GULP1: variants seen among roughly 807,000 people sequenced by gnomAD.
The protein encoded by GULP1 is GULP PTB domain containing engulfment adaptor 1.
Under a neutral mutation model 40.9 loss-of-function variants are expected in GULP1, and 19 were observed. The ratio of observed to expected loss-of-function variants is 0.46; its 90% CI spans 0.32 to 0.68. GULP1 has a LOEUF of 0.68. Among genes scored for constraint, GULP1 ranks in the 30% least tolerant of loss-of-function variants. The pLI, the probability that GULP1 is intolerant of heterozygous loss-of-function variation, is 0.03. For missense variants in GULP1, 312 were observed against 362.2 expected (o/e 0.86, Z 1.12); for synonymous variants, 119 against 117.6 (o/e 1.01, Z -0.08).
rs1261351902 is a variant in GULP1, at chr2:188,491,153, G to A, written c.90+7661G>A. 2.0e-5 allele frequency among the ~76,000 whole-genome samples: 3 copies of A among 151,880 alleles called. No homozygotes were observed. The East Asian group carries it at 5.8e-4, about 29-fold the overall frequency. ...AGAGAATGTAAAGAAAGAAAAGAAAGGACTGATTTGGTCTCAAAAGGGTCA... is the reference window on the plus strand; with the variant it reads ...AGAGAATGTAAAGAAAGAAAAGAAAAGACTGATTTGGTCTCAAAAGGGTCA... On this transcript the variant is annotated intron_variant, in intron 4 of 11. Coordinates refer to ENST00000409830, the MANE Select transcript of GULP1 (RefSeq NM_016315.4).
At chr2:188,511,835 A>C (rs1367004636) in intron 4 of GULP1, among the ~76,000 whole-genome samples, 4 of 152,196 alleles carry the variant, frequency 2.6e-5, no homozygotes, top group Admixed American at 1.3e-4. Context: ...CCATATTTTA[A>C]AAATTTTCTA....
At chr2:188,329,409 CAT>C (rs897076737) in intron 1 of GULP1, among the ~76,000 whole-genome samples, 2 of 152,118 alleles carry the variant, frequency 1.3e-5, no homozygotes, top group Non-Finnish European at 2.9e-5. Context: ...TTATCAGTGA[CAT>C]GTGAAGTAGG....
intron 9 of GULP1, among the ~76,000 whole-genome samples, chr2:188,573,976 C>G (rs1324419640): frequency 6.6e-6 from 1 of 152,152 alleles, no homozygotes; most frequent in East Asian, 1.9e-4. Flanking sequence ...TCAAAAATCT[C>G]TAATTGAGGT....
intron 4 of GULP1, among the ~76,000 whole-genome samples, chr2:188,516,048 T>C (rs937766993): frequency 3.9e-5 from 6 of 152,220 alleles, no homozygotes; most frequent in Non-Finnish European, 5.9e-5. Flanking sequence ...TTTGTTATTT[T>C]ATTCTATTCT....
At chr2:188,330,058 C>A (rs1300088334) in intron 1 of GULP1, among the ~76,000 whole-genome samples, 1 of 152,056 alleles carries the variant, frequency 6.6e-6, no homozygotes, top group African/African-American at 2.4e-5. Context: ...GAGGAGTCGT[C>A]ATCATATAGG....
chr2:188,422,081 C>CTT lies in GULP1; in HGVS notation c.-45+38207_-45+38208dup, dbSNP rs1278413091. On this transcript the variant is annotated intron_variant, in intron 2 of 11. Transcript: ENST00000409830. ...AATCATTGACTAACTGCTGGACACA[C>CTT]TTTTTTTTTTTTTTTTGACCTGGTC... is the stretch of plus-strand genomic sequence containing the variant. Among the ~76,000 whole-genome samples the CTT allele has an allele frequency of 4.7e-4, 64 of 136,396 alleles. No homozygotes were observed. In the East Asian group the frequency reaches 6.8e-3, roughly 14 times the overall value. The allele number at this position is 136,396 out of a possible 152,430, so 89.5% of individuals were successfully genotyped here.
rs1385668918 is a variant in GULP1, at chr2:188,296,745, T to A, written c.-172+4579T>A. On this transcript the variant is annotated intron_variant, in intron 1 of 11. Transcript: ENST00000409830. ...TTGTATGTATTTTCTAGGATGCAAC[T>A]AAGAGAGTGCATCTAGATATCAATA... is the stretch of plus-strand genomic sequence containing the variant. 2.6e-5 allele frequency among the ~76,000 whole-genome samples: 4 copies of A among 152,062 alleles called. No individual in the cohort carries two copies. The East Asian group carries it at 7.7e-4, about 29-fold the overall frequency.
At chr2:188,568,777 A>G (rs912507345) in intron 7 of GULP1, among the ~76,000 whole-genome samples, 32 of 152,194 alleles carry the variant, frequency 2.1e-4, no homozygotes, top group African/African-American at 6.5e-4. Context: ...GGCCAGCCTC[A>G]TTCAAGTTAC....
chr2:188,423,646 T>C (rs1230306666), intron 2 of GULP1, among the ~76,000 whole-genome samples: 1 of 151,690 alleles, frequency 6.6e-6, no homozygotes, highest in Non-Finnish European at 1.5e-5. Flanking sequence ...ATTTTCTAGC[T>C]CTTTCTAATT....
At chr2:188,348,650 GT>G (rs1398324087) in intron 1 of GULP1, among the ~76,000 whole-genome samples, 1 of 152,146 alleles carries the variant, frequency 6.6e-6, no homozygotes, top group Admixed American at 6.6e-5. Flanking sequence ...GAGTTACAGT[GT>G]TTTATTTTGA....
chr2:188,394,683 T>G (rs2050982070), intron 2 of GULP1, among the ~76,000 whole-genome samples: 1 of 152,170 alleles, frequency 6.6e-6, no homozygotes, highest in Admixed American at 6.5e-5. Flanking sequence ...CTTTAATTTG[T>G]TTTTGATTTG....
chr2:188,366,413 TA>T (rs2046792560), intron 1 of GULP1, among the ~76,000 whole-genome samples: 1 of 152,126 alleles, frequency 6.6e-6, no homozygotes, highest in African/African-American at 2.4e-5. Flanking sequence ...CCATGTCACA[TA>T]TCTGACTATT....
intron 4 of GULP1, among the ~76,000 whole-genome samples, chr2:188,487,527 C>T (rs74550201): frequency 0.042 from 6,326 of 151,988 alleles, 299 homozygotes; most frequent in African/African-American, 0.11. Context: ...GGAGAGGAAA[C>T]AGTCATATGA....
rs11431434 is a variant in GULP1 at position 188,332,191 on chromosome 2, CTT to C, written c.-172+40042_-172+40043del. The stretch of plus-strand genomic sequence containing the variant: ...CCATTCCATCGGTCATTTCTTTATT[CTT>C]TTTTTTTTTTTTTTTTGAGACAGTT... On this transcript the variant is annotated intron_variant, in intron 1 of 11. Transcript: ENST00000409830. Among the ~76,000 whole-genome samples the C allele has an allele frequency of 5.9e-4, 75 of 126,666 alleles. 1 individual carries two copies. Among genetic ancestry groups the C allele is most frequent in the African/African-American group, 2.0e-3 (68 of 33,854 alleles). 83.1% of individuals were successfully genotyped at this position (126,666 alleles called of 152,430 possible). A position where few individuals can be genotyped will look rare whatever the true frequency, so the allele number is the denominator to read the frequency against.
chr2:188,523,061 C>T, intron 5 of GULP1: 1 of 366,868 alleles, frequency 2.7e-6, no homozygotes, highest in East Asian at 4.1e-5. Flanking sequence ...TATAATGTGT[C>T]ATATTAAAAA....
chr2:188,313,781 T>C (rs1283121211), intron 1 of GULP1, among the ~76,000 whole-genome samples: 2 of 152,130 alleles, frequency 1.3e-5, no homozygotes, highest in African/African-American at 4.8e-5. Context: ...GCATCCTCTT[T>C]TATTTCTCTT....
chr2:188,434,292 G>T (rs1005700127), intron 2 of GULP1, among the ~76,000 whole-genome samples: 3 of 148,026 alleles, frequency 2.0e-5, no homozygotes, highest in African/African-American at 2.5e-5. Flanking sequence ...AAAATGCCTT[G>T]GAGTTCTTTC....
chr2:188,429,866 A>G (rs1411055677), intron 2 of GULP1, among the ~76,000 whole-genome samples: 1 of 151,664 alleles, frequency 6.6e-6, no homozygotes, highest in Non-Finnish European at 1.5e-5. Flanking sequence ...ACCTGCCACC[A>G]TGCCCGGCTA....
At chr2:188,550,717 C>T (rs1337388891) in intron 7 of GULP1, among the ~76,000 whole-genome samples, 3 of 151,288 alleles carry the variant, frequency 2.0e-5, no homozygotes, top group Non-Finnish European at 4.4e-5. Flanking sequence ...AAGGTGTTTA[C>T]TGCATATTCT....
Sources: gnomAD v4.1 joint callset for allele counts (sites outside exome capture counted in the v4.1 genomes callset) on GRCh38, gnomAD v4.1.1 for gene constraint, MANE v1.5 for transcripts, NCBI Gene and HGNC (gene_info 2026-07-23, HGNC 2026-07-21) for gene names.